Variants in ZBTB14 observed in about 807,000 individuals in gnomAD.
ZBTB14 encodes zinc finger and BTB domain-containing protein 14.
ZBTB14 carries 8 observed loss-of-function variants against 29.5 expected under a neutral mutation model. The ratio of observed to expected loss-of-function variants is 0.27; its 90% CI spans 0.16 to 0.49. ZBTB14 has a LOEUF of 0.49. Ranked by LOEUF, ZBTB14 falls within the 20% of genes least tolerant of loss-of-function variation. The pLI is 0.99. For synonymous variants in ZBTB14, 226 were observed against 207.2 expected (o/e 1.09, Z -0.78); for missense variants, 333 against 563.8 (o/e 0.59, Z 4.15).
intron 1 of ZBTB14, among the ~76,000 whole-genome samples, chr18:5,295,015 A>C (rs1161592558): frequency 1.3e-5 from 2 of 151,986 alleles, no homozygotes; most frequent in African/African-American, 4.8e-5. Flanking sequence ...CTTCCCAGAC[A>C]AAAGCTCCCA....
At chr18:5,295,354 G>C (rs1412762688) in intron 1 of ZBTB14, among the ~76,000 whole-genome samples, 1 of 143,858 alleles carries the variant, frequency 7.0e-6, no homozygotes, top group African/African-American at 2.5e-5. Context: ...GCGTGCGCTG[G>C]GTCCCGGCCC....
chr18:5,293,301 G>T lies in ZBTB14; in HGVS notation c.-55C>A. 5.6e-6 allele frequency: 9 copies of T among 1,606,702 alleles called. No homozygotes were observed. The highest frequency in any genetic ancestry group is 7.7e-6 in the Non-Finnish European group (9 of 1,175,274). On this transcript the variant is annotated 5_prime_UTR_variant, in exon 3 of 4. An upstream open reading frame in the 5' UTR gains an earlier in-frame stop. Coordinates refer to ENST00000651870, the MANE Select transcript of ZBTB14 (RefSeq NM_001243702.2). ...TGAACGCCAAAATCTTCAGATCAGA[G>T]TAACTCTGATCAGGAGCACGCCAGA...
chr18:5,290,577 A>G lies in ZBTB14; in HGVS notation c.*281T>C, dbSNP rs1263032632. On this transcript the variant is annotated 3_prime_UTR_variant, in exon 4 of 4. Transcript: ENST00000651870. ...CTCTCACTTCTAAACTGGACACAGG[A>G]GTTCTCAAATTAAAATAATAAAAAA... 2.6e-6 allele frequency: 1 copy of G among 384,682 alleles called. No individual in the cohort carries two copies. Among genetic ancestry groups the G allele is most frequent in the Non-Finnish European group, 4.6e-6 (1 of 215,674 alleles). The allele number at this position is 384,682 out of a possible 1,614,324, so 23.8% of individuals were successfully genotyped here. A position where few individuals can be genotyped will look rare whatever the true frequency, so the allele number is the denominator to read the frequency against.
chr18:5,291,791 C>A lies in ZBTB14; in HGVS notation c.417G>T (p.Gln139His), dbSNP rs1212620366. The A allele has an allele frequency of 6.2e-7, 1 of 1,613,758 alleles. No individual in the cohort carries two copies. Among genetic ancestry groups the A allele is most frequent in the African/African-American group, 1.3e-5 (1 of 75,026 alleles). Residue 139 changes from glutamine to histidine, a missense_variant, in exon 4 of 4, where the codon CAG (glutamine) becomes CAT (histidine). This residue lies in a region of ZBTB14 where 126 missense variants were observed against 132.2 expected (regional missense o/e 0.95). Coordinates refer to ENST00000651870, the MANE Select transcript of ZBTB14 (RefSeq NM_001243702.2). This position sits in a 1 kb window ranked among gnomAD's most constrained non-coding sequence, Gnocchi z 5.8. ...DVSSPDENNG[Q>H]SKSKYCLKIN... Reference sequence around the variant, plus strand: ...TTTTAAGGCAATACTTACTTTTGGACTGACCATTGTTTTCATCGGGACTGG... The same window carrying A: ...TTTTAAGGCAATACTTACTTTTGGAATGACCATTGTTTTCATCGGGACTGG...
intron 1 of ZBTB14, chr18:5,294,845 T>C (rs1004133714): frequency 6.7e-6 from 1 of 149,822 alleles, no homozygotes; most frequent in East Asian, 2.1e-4. Flanking sequence ...AGCCCGACAA[T>C]GGCGGCTGCA....
In ZBTB14 at chr18:5,291,570, A is replaced by T; in HGVS notation, c.638T>A (p.Val213Asp). The change falls in exon 4 of 4, where the codon GTC becomes GAC. Residue 213 changes from valine to aspartate, a missense_variant. Coordinates refer to ENST00000651870, the MANE Select transcript of ZBTB14 (RefSeq NM_001243702.2). This position sits in a 1 kb window ranked among gnomAD's most constrained non-coding sequence, Gnocchi z 5.8. Reference protein sequence around the residue: ...KELGSEEVRKVNCYGQEVESM... With the variant: ...KELGSEEVRKDNCYGQEVESM... ...TTCTACTTCCTGGCCGTAGCAATTG[A>T]CCTTCCGAACTTCCTCACTCCCCAG... is the stretch of plus-strand genomic sequence containing the variant. 1 of 1,613,772 alleles carries T rather than the reference A, an allele frequency of 6.2e-7. No homozygotes were observed. Among genetic ancestry groups the T allele is most frequent in the Admixed American group, 1.7e-5 (1 of 60,012 alleles).
rs989597052 is a variant in ZBTB14 at position 5,292,166 on chromosome 18, A to G, written c.42T>C (p.Asn14=). 3.2e-6 allele frequency: 5 copies of G among 1,583,904 alleles called. No individual in the cohort carries two copies. In the African/African-American group the frequency reaches 6.8e-5, roughly 21 times the overall value. The change falls in exon 4 of 4, where the codon AAT becomes AAC. Residue 14 remains asparagine, a synonymous_variant. Coordinates refer to ENST00000651870, the MANE Select transcript of ZBTB14 (RefSeq NM_001243702.2). ...FISMSETIKY[N]DDDHKTLFLK... is the part of the protein sequence containing the mutation. ...GAAACAGAGTTTTATGATCATCGTC[A>G]TTATATTTAATGGTTTCAGACATAC...
At chr18:5,292,690 G>A (rs2071844033) in intron 3 of ZBTB14, among the ~76,000 whole-genome samples, 1 of 152,192 alleles carries the variant, frequency 6.6e-6, no homozygotes. Flanking sequence ...CCTCTCTGTT[G>A]CACCTACTCT....
Position 5,291,959 on chromosome 18 carries a change from A to G in ZBTB14, c.249T>C (p.Ser83=), listed in dbSNP as rs535631234. The change falls in exon 4 of 4, where the codon TCT becomes TCC. Residue 83 remains serine (S), a synonymous_variant. Transcript: ENST00000651870. This position sits in a 1 kb window ranked among gnomAD's most constrained non-coding sequence, Gnocchi z 5.8. ...AGTTCAGGACCTCTTCAAATATATC[A>G]GAACGAAGAAAATCTATTTCTATGA... The part of the protein sequence containing the change: ...SSVIEIDFLR[S]DIFEEVLNYM... 3 of 1,614,064 alleles carry G rather than the reference A, an allele frequency of 1.9e-6. No homozygotes were observed. The Admixed American group carries it at 5.0e-5, about 27-fold the overall frequency.
In ZBTB14 at chr18:5,289,790, G is replaced by GT. The variant is rs772367676; in HGVS notation, c.*1067dup. The GT allele has an allele frequency of 1.2e-4, 18 of 152,660 alleles. 2 individuals are homozygous for GT. Among genetic ancestry groups the GT allele is most frequent in the Admixed American group, 9.2e-4 (14 of 15,300 alleles). The allele number at this position is 152,660 out of a possible 1,614,324, so 9.5% of individuals were successfully genotyped here. A position where few individuals can be genotyped will look rare whatever the true frequency, so the allele number is the denominator to read the frequency against. On this transcript the variant is annotated 3_prime_UTR_variant, in exon 4 of 4. Coordinates refer to ENST00000651870, the MANE Select transcript of ZBTB14 (RefSeq NM_001243702.2). ...GCTGTCTACTTTTTACTTGAAATAC[G>GT]TAAGACCAACACTACTATTTACACA... is the stretch of plus-strand genomic sequence containing the variant.
At position 5,291,742 on chromosome 18, in the gene ZBTB14, C is replaced by G. The variant is rs2071820547; in HGVS notation, c.466G>C (p.Ala156Pro). 6.2e-7 allele frequency: 1 copy of G among 1,614,078 alleles called. No homozygotes were observed. Among genetic ancestry groups the G allele is most frequent in the East Asian group, 2.2e-5 (1 of 44,880 alleles). Residue 156 changes from alanine to proline, a missense_variant, in exon 4 of 4, where the codon GCT becomes CCT. By Grantham distance (27) the Ala-to-Pro change is conservative (BLOSUM62 -1). Around this residue, in one of 3 missense-constraint regions of ZBTB14, gnomAD observed 126 missense variants for 132.2 expected, o/e 0.95. Transcript: ENST00000651870. The surrounding 1 kb of genome is among the most constrained non-coding windows in gnomAD (Gnocchi z 5.8). ...TCTACATCATCATCCTGGGTGTCAG[C>G]AGCATCTCCAATGGGGCGATTTATT... ...LKINRPIGDA[A>P]DTQDDDVEEI... is the part of the protein sequence containing the mutation.
intron 1 of ZBTB14, 24 bp downstream of exon 1, chr18:5,295,611 CCCCACGCCCAACCCTGG>C (rs2071940823): frequency 2.7e-5 from 4 of 145,568 alleles, no homozygotes; most frequent in Admixed American, 1.4e-4. Context: ...GGCGCCCCGG[CCCCACGCCCAACCCTGG>C]CCCACGCCCG....
intron 1 of ZBTB14, among the ~76,000 whole-genome samples, chr18:5,294,463 T>G (rs574691468): frequency 3.2e-4 from 49 of 152,256 alleles, no homozygotes; most frequent in South Asian, 1.9e-3. Context: ...TATCAATGTG[T>G]TGTTGTTGTT....
chr18:5,294,984 T>G (rs1362643336), intron 1 of ZBTB14, among the ~76,000 whole-genome samples: 1 of 151,426 alleles, frequency 6.6e-6, no homozygotes, highest in African/African-American at 2.4e-5. Flanking sequence ...AGGTGGGGAG[T>G]GGAGGAGGCC....
At chr18:5,294,230 G>C (rs2071886886) in intron 1 of ZBTB14, among the ~76,000 whole-genome samples, 1 of 152,200 alleles carries the variant, frequency 6.6e-6, no homozygotes, top group Non-Finnish European at 1.5e-5. Context: ...TTTGAGGTTA[G>C]GCAACATTTC....
upstream of ZBTB14, chr18:5,296,166 G>A (rs2071959243): frequency 1.3e-5 from 2 of 151,410 alleles, no homozygotes; most frequent in Admixed American, 6.6e-5. Context: ...GTTAATCCGG[G>A]CCCTTGCCGA....
chr18:5,291,366 G>A lies in ZBTB14; in HGVS notation c.842C>T (p.Ala281Val), dbSNP rs1297164024. Residue 281 changes from alanine to valine, a missense_variant, in exon 4 of 4, where the codon GCG becomes GTG. Physicochemically the swap from Ala to Val is moderately conservative, Grantham distance 64. This residue lies in a region of ZBTB14 where 140 missense variants were observed against 274.6 expected (regional missense o/e 0.51). Coordinates refer to ENST00000651870, the MANE Select transcript of ZBTB14 (RefSeq NM_001243702.2). This position sits in a 1 kb window ranked among gnomAD's most constrained non-coding sequence, Gnocchi z 5.8. ...TTCATCAGAAAACGTCTTCCCACAC[G>A]CCTGGCAGGCAATCTGCTCCCGATG... ...GHHREQIACQACGKTFSDEGR... is the reference protein window; with the variant it reads ...GHHREQIACQVCGKTFSDEGR... 5.0e-6 allele frequency: 8 copies of A among 1,614,140 alleles called. No individual in the cohort carries two copies. Among genetic ancestry groups the A allele is most frequent in the South Asian group, 3.3e-5 (3 of 91,078 alleles).
rs1000835166 is a variant in ZBTB14 at position 5,295,496 on chromosome 18, G to C, written c.-112+156C>G. Among the ~76,000 whole-genome samples, 4 of 144,652 alleles carry C rather than the reference G, an allele frequency of 2.8e-5. 1 individual carries two copies. Among genetic ancestry groups the C allele is most frequent in the Non-Finnish European group, 6.1e-5 (4 of 65,220 alleles). 94.9% of individuals were successfully genotyped at this position (144,652 alleles called of 152,430 possible). ...CGCGGTGCACTGCGGCGGTGCGAGCGGGGGCGGCCATGAACTCGGCCGCCG... is the reference window on the plus strand; with the variant it reads ...CGCGGTGCACTGCGGCGGTGCGAGCCGGGGCGGCCATGAACTCGGCCGCCG... On this transcript the variant is annotated intron_variant, in intron 1 of 3. Transcript: ENST00000651870.
rs1029264168 is a variant in ZBTB14 at position 5,289,156 on chromosome 18, C to T, written c.*1702G>A. ...AGCCTAGGAACGGCAATCAGTTCCC[C>T]TTCTATAAGTAGCATAAAAACACAG... On this transcript the variant is annotated 3_prime_UTR_variant, in exon 4 of 4. Transcript: ENST00000651870. 1.3e-5 allele frequency: 2 copies of T among 152,094 alleles called. No individual in the cohort carries two copies. Among genetic ancestry groups the T allele is most frequent in the Non-Finnish European group, 2.9e-5 (2 of 68,012 alleles). The allele number at this position is 152,094 out of a possible 1,614,324, so 9.4% of individuals were successfully genotyped here. A position where few individuals can be genotyped will look rare whatever the true frequency, so the allele number is the denominator to read the frequency against.
Sources: allele counts gnomAD v4.1 joint callset (sites outside exome capture counted in the v4.1 genomes callset), GRCh38; gene constraint gnomAD v4.1.1; regional missense constraint gnomAD v4.1.1; non-coding constraint Gnocchi (gnomAD v3.1); transcripts MANE v1.5; gene names NCBI Gene and HGNC (gene_info 2026-07-23, HGNC 2026-07-21).